The following GPC6 variants were observed in gnomAD, a reference collection of about 807,000 sequenced individuals.
GPC6 encodes glypican-6.
A neutral mutation model predicts 55.2 loss-of-function variants in GPC6; 14 were observed. The ratio of observed to expected loss-of-function variants is 0.25; its 90% CI spans 0.17 to 0.40. GPC6 has a LOEUF of 0.40. Ranked by LOEUF, GPC6 falls within the 10% of genes least tolerant of loss-of-function variation. GPC6 has a pLI of 1.00. For synonymous variants in GPC6, 278 were observed against 259.6 expected (o/e 1.07, Z -0.68); for missense variants, 641 against 708.5 (o/e 0.90, Z 1.08).
intron 2 of GPC6, among the ~76,000 whole-genome samples, chr13:93,592,919 C>G (rs1877556936): frequency 3.7e-5 from 1 of 26,890 alleles, no homozygotes; most frequent in Non-Finnish European, 6.9e-5. Context: ...ACAAAACAGA[C>G]TTTTGGAAAC....
intron 1 of GPC6, among the ~76,000 whole-genome samples, chr13:93,362,110 A>G (rs937040464): frequency 6.6e-6 from 1 of 152,206 alleles, no homozygotes; most frequent in African/African-American, 2.4e-5. Flanking sequence ...CATTAGTTCT[A>G]TAATATCTCT....
intron 3 of GPC6, among the ~76,000 whole-genome samples, chr13:93,841,223 T>C (rs566083728): frequency 1.3e-5 from 2 of 152,296 alleles, no homozygotes; most frequent in East Asian, 3.9e-4. Flanking sequence ...AAAATAATTT[T>C]AATAAAGCTT....
intron 1 of GPC6, among the ~76,000 whole-genome samples, chr13:93,342,419 A>G (rs1880290376): frequency 1.3e-5 from 2 of 152,128 alleles, no homozygotes; most frequent in Non-Finnish European, 2.9e-5. Flanking sequence ...CAGGCAAGAG[A>G]GTGTATGCAG....
chr13:93,426,812 C>T (rs2139268125), intron 1 of GPC6, among the ~76,000 whole-genome samples: 1 of 151,062 alleles, frequency 6.6e-6, no homozygotes, highest in South Asian at 2.1e-4. Flanking sequence ...GGAATCGCCA[C>T]ACTGACTTCC....
At position 94,405,152 on chromosome 13, in the gene GPC6, T is replaced by G. The variant is rs1881318864; in HGVS notation, c.*1935T>G. The G allele has an allele frequency of 6.6e-6, 1 of 152,258 alleles. No homozygotes were observed. Among genetic ancestry groups the G allele is most frequent in the Admixed American group, 6.5e-5 (1 of 15,288 alleles). 9.4% of individuals were successfully genotyped at this position (152,258 alleles called of 1,614,324 possible). On this transcript the variant is annotated 3_prime_UTR_variant, in exon 9 of 9. Coordinates refer to ENST00000377047, the MANE Select transcript of GPC6 (RefSeq NM_005708.5). ...TTGAGCACTTTTGCAAGACAGAAAG[T>G]ATTTACAAGCATCTATTGCTACTTT...
chr13:93,471,013 T>G (rs980705013), intron 1 of GPC6, among the ~76,000 whole-genome samples: 1 of 152,200 alleles, frequency 6.6e-6, no homozygotes, highest in Non-Finnish European at 1.5e-5. Context: ...TGGTAATCTG[T>G]GTCTCCTAAA....
chr13:94,394,116 C>G (rs915087143), intron 7 of GPC6, among the ~76,000 whole-genome samples: 7 of 152,172 alleles, frequency 4.6e-5, no homozygotes, highest in South Asian at 2.1e-4. Context: ...TGGATGTAGT[C>G]AAGGACACTC....
chr13:93,589,391 C>T (rs1275126844), intron 2 of GPC6, among the ~76,000 whole-genome samples: 1 of 152,196 alleles, frequency 6.6e-6, no homozygotes, highest in African/African-American at 2.4e-5. Flanking sequence ...ATTCAATTAT[C>T]TATGTATCCA....
intron 4 of GPC6, among the ~76,000 whole-genome samples, chr13:94,067,345 G>A (rs1304757271): frequency 6.6e-6 from 1 of 152,088 alleles, no homozygotes; most frequent in Non-Finnish European, 1.5e-5. Flanking sequence ...AAAGATATTT[G>A]ATCAAGATAC....
chr13:93,372,758 G>A lies in GPC6; in HGVS notation c.160+145142G>A, dbSNP rs146956586. On this transcript the variant is annotated intron_variant, in intron 1 of 8. Coordinates refer to ENST00000377047, the MANE Select transcript of GPC6 (RefSeq NM_005708.5). Reference sequence around the variant, plus strand: ...TTAGAAAGACTTCATTTTGGTTGAAGCTTTATAATATCAGACATACTGTTG... The same window carrying A: ...TTAGAAAGACTTCATTTTGGTTGAAACTTTATAATATCAGACATACTGTTG... 2.1e-3 allele frequency among the ~76,000 whole-genome samples: 323 copies of A among 152,208 alleles called. 1 individual carries two copies. The highest frequency in any genetic ancestry group is 7.6e-3 in the African/African-American group (314 of 41,512).
At chr13:94,363,131 A>G (rs910008911) in intron 6 of GPC6, among the ~76,000 whole-genome samples, 2 of 152,062 alleles carry the variant, frequency 1.3e-5, no homozygotes, top group Non-Finnish European at 2.9e-5. Context: ...TTTAAAAAAT[A>G]TTTTCCTTTA....
intron 4 of GPC6, among the ~76,000 whole-genome samples, chr13:94,029,001 G>A (rs990368097): frequency 1.3e-5 from 2 of 152,224 alleles, no homozygotes; most frequent in African/African-American, 4.8e-5. Context: ...GGTGAAAATA[G>A]CAGTGGCATT....
At chr13:93,467,102 C>T (rs557880157) in intron 1 of GPC6, among the ~76,000 whole-genome samples, 4 of 152,284 alleles carry the variant, frequency 2.6e-5, no homozygotes, top group African/African-American at 9.6e-5. Flanking sequence ...CGTTGCCTTT[C>T]TTCTTTCTAC....
intron 4 of GPC6, among the ~76,000 whole-genome samples, chr13:94,141,264 A>G (rs1887367899): frequency 6.6e-6 from 1 of 152,174 alleles, no homozygotes; most frequent in African/African-American, 2.4e-5. Context: ...AGATTCTTTA[A>G]TTTGCAGTTG....
intron 2 of GPC6, among the ~76,000 whole-genome samples, chr13:93,683,230 C>G (rs955562987): frequency 6.6e-6 from 1 of 151,922 alleles, no homozygotes; most frequent in Admixed American, 6.6e-5. Flanking sequence ...ATACAAAGAT[C>G]ATTTGCTGTT....
chr13:94,179,644 T>A (rs1015796042), intron 4 of GPC6, among the ~76,000 whole-genome samples: 6 of 152,198 alleles, frequency 3.9e-5, no homozygotes, highest in Non-Finnish European at 7.3e-5. Context: ...GAAAGTGAAT[T>A]TAACTGCTGT....
Position 94,406,869 on chromosome 13 carries a change from C to G in GPC6, c.*3652C>G, listed in dbSNP as rs1384641114. On this transcript the variant is annotated 3_prime_UTR_variant, in exon 9 of 9. Coordinates refer to ENST00000377047, the MANE Select transcript of GPC6 (RefSeq NM_005708.5). The stretch of plus-strand genomic sequence containing the variant: ...TAGGAAATGCAAGTTTTACCTAAAA[C>G]TTGCAGAAATTTAAACACATTTCCA... 1 of 152,060 alleles carries G rather than the reference C, an allele frequency of 6.6e-6. No individual in the cohort carries two copies. The highest frequency in any genetic ancestry group is 1.5e-5 in the Non-Finnish European group (1 of 67,962). 9.4% of individuals were successfully genotyped at this position (152,060 alleles called of 1,614,324 possible). A position where few individuals can be genotyped will look rare whatever the true frequency, so the allele number is the denominator to read the frequency against.
chr13:93,533,200 A>C (rs1017477931), intron 1 of GPC6, among the ~76,000 whole-genome samples: 2 of 152,198 alleles, frequency 1.3e-5, no homozygotes, highest in Admixed American at 6.5e-5. Context: ...CATACATTTT[A>C]AAAATGTGGC....
At chr13:94,372,989 C>T (rs1045921227) in intron 6 of GPC6, among the ~76,000 whole-genome samples, 6 of 152,190 alleles carry the variant, frequency 3.9e-5, no homozygotes, top group African/African-American at 1.4e-4. Context: ...TCCAACAGAC[C>T]TGCAGCTGAG....
Sources: allele counts gnomAD v4.1 joint callset (sites outside exome capture counted in the v4.1 genomes callset), GRCh38; gene constraint gnomAD v4.1.1; transcripts MANE v1.5; gene names NCBI Gene and HGNC (gene_info 2026-07-23, HGNC 2026-07-21).